The following LDLRAD1 variants were observed in gnomAD, a reference collection of about 807,000 sequenced individuals.
The protein encoded by LDLRAD1 is low-density lipoprotein receptor class A domain-containing protein 1.
LDLRAD1 carries 17 observed loss-of-function variants against 24.8 expected under a neutral mutation model. That is an observed-to-expected ratio of 0.69 (90% CI 0.47 to 1.03). The LOEUF is 1.03. LDLRAD1 is among the 50% of genes least tolerant of loss of function. The probability of loss-of-function intolerance (pLI) is 0.00; values close to 1 mark genes in which losing one functional copy is unlikely to be tolerated. For synonymous variants in LDLRAD1, 103 were observed against 108.2 expected, an observed-to-expected ratio of 0.95 and a Z score of 0.30; for missense variants, 277 against 271.0, an observed-to-expected ratio of 1.02 and a Z score of -0.16.
intron 4 of LDLRAD1, among the ~76,000 whole-genome samples, chr1:54,011,257 T>A (rs1656037592): frequency 6.6e-6 from 1 of 152,130 alleles, no homozygotes; most frequent in South Asian, 2.1e-4. Flanking sequence ...AAGTGTGGTC[T>A]ATCGGGGCAG....
In LDLRAD1 at chr1:54,009,196, C is replaced by T. The variant is rs909232463; in HGVS notation, c.470-66G>A. On this transcript the variant is annotated intron_variant, in intron 5 of 5. Coordinates refer to ENST00000371360, the MANE Select transcript of LDLRAD1 (RefSeq NM_001010978.4). Reference sequence around the variant, plus strand: ...CTGGAACGCTCTGTGCACCAGGGCACTCCCTAGTTCTGAAACCTGCCGTAG... The same window carrying T: ...CTGGAACGCTCTGTGCACCAGGGCATTCCCTAGTTCTGAAACCTGCCGTAG... 1.9e-5 allele frequency: 29 copies of T among 1,505,538 alleles called. No individual in the cohort carries two copies. In the South Asian group the frequency reaches 3.1e-4, roughly 16 times the overall value. The allele number at this position is 1,505,538 out of a possible 1,614,324, so 93.3% of individuals were successfully genotyped here.
intron 2 of LDLRAD1, among the ~76,000 whole-genome samples, chr1:54,015,652 T>C (rs7532836): frequency 6.8e-6 from 1 of 146,930 alleles, no homozygotes; most frequent in African/African-American, 2.5e-5. Flanking sequence ...TTTGTTTTTT[T>C]TGTTTTTTTT....
In LDLRAD1 at chr1:54,009,302, G is replaced by A. The variant is rs369967551; in HGVS notation, c.470-172C>T. On this transcript the variant is annotated intron_variant, in intron 5 of 5. Coordinates refer to ENST00000371360, the MANE Select transcript of LDLRAD1 (RefSeq NM_001010978.4). ...CGGCAGAGAGAATCTAGACTCCACA[G>A]CTCACAGGCTATGTGACCTCCCTCA... Among the ~76,000 whole-genome samples, 3 of 152,260 alleles carry A rather than the reference G, an allele frequency of 2.0e-5. No individual in the cohort carries two copies. The East Asian group carries it at 5.8e-4, about 29-fold the overall frequency.
chr1:54,016,349 C>T (rs927192961), intron 2 of LDLRAD1, among the ~76,000 whole-genome samples: 1 of 152,136 alleles, frequency 6.6e-6, no homozygotes, highest in Non-Finnish European at 1.5e-5. Flanking sequence ...AGGGAGGCAG[C>T]GTGACTCTGG....
rs1194219327 is a variant in LDLRAD1, at chr1:54,008,816, G to A, written c.*166C>T. 10 of 651,172 alleles carry A rather than the reference G, an allele frequency of 1.5e-5. No homozygotes were observed. In the East Asian group the frequency reaches 2.2e-4, roughly 14 times the overall value. 40.3% of individuals were successfully genotyped at this position (651,172 alleles called of 1,614,324 possible). On this transcript the variant is annotated 3_prime_UTR_variant, in exon 6 of 6. Transcript: ENST00000371360. ...CCTGGTCATTGGAAGCATTCAAGCA[G>A]AGGCTGAACAACTTGAAAGGAGGAG...
chr1:54,014,191 G>T (rs1005693396), intron 3 of LDLRAD1, 45 bp downstream of exon 3: 2 of 1,558,224 alleles, frequency 1.3e-6, no homozygotes, highest in African/African-American at 1.4e-5. Flanking sequence ...GCCCTCCCAT[G>T]CCCTCCCCGC....
At position 54,012,158 on chromosome 1, in the gene LDLRAD1, C is replaced by T. The variant is rs1181167816; in HGVS notation, c.325G>A (p.Asp109Asn). The T allele has an allele frequency of 1.2e-6, 2 of 1,614,020 alleles. No individual in the cohort carries two copies. Among genetic ancestry groups the T allele is most frequent in the African/African-American group, 2.7e-5 (2 of 75,060 alleles). Reference sequence around the variant, plus strand: ...GGGTACTCACGGCACAAGCTCTCATCCTCGTCCTCGCCGTGGGTACAGGTG... The same window carrying T: ...GGGTACTCACGGCACAAGCTCTCATTCTCGTCCTCGCCGTGGGTACAGGTG... ...VRTCTHGEDEDESLCRDVPQS... is the reference protein window; with the variant it reads ...VRTCTHGEDENESLCRDVPQS... Residue 109 changes from aspartate to asparagine, a missense_variant, in exon 4 of 6, where the codon GAT (aspartate) becomes AAT (asparagine). Transcript: ENST00000371360.
chr1:54,009,235 C>A, intron 5 of LDLRAD1, 105 bp from the exon 6 acceptor site: 1 of 1,061,620 alleles, frequency 9.4e-7, no homozygotes, highest in Non-Finnish European at 1.4e-6. Flanking sequence ...CCCATGGCCC[C>A]AACCCATCTG....
intron 4 of LDLRAD1, among the ~76,000 whole-genome samples, chr1:54,010,815 C>A (rs1656020183): frequency 2.0e-5 from 3 of 152,224 alleles, no homozygotes; most frequent in Admixed American, 1.3e-4. Flanking sequence ...TGGAGTCTTA[C>A]AGTTGGGCCC....
intron 3 of LDLRAD1, 100 bp from the exon 4 acceptor site, chr1:54,012,380 G>T: frequency 7.5e-7 from 1 of 1,324,820 alleles, no homozygotes; most frequent in South Asian, 1.2e-5. Flanking sequence ...GAGGGGCTGG[G>T]GCAGTGGGGA....
chr1:54,015,515 C>G (rs114290567), intron 2 of LDLRAD1, among the ~76,000 whole-genome samples: 1 of 152,094 alleles, frequency 6.6e-6, no homozygotes, highest in Non-Finnish European at 1.5e-5. Flanking sequence ...CATGGACATG[C>G]CTGAAGGGGT....
Position 54,008,800 on chromosome 1 carries a change from TG to T in LDLRAD1, c.*181del. 1 of 584,014 alleles carries T rather than the reference TG, an allele frequency of 1.7e-6. No homozygotes were observed. The allele number at this position is 584,014 out of a possible 1,614,324, so 36.2% of individuals were successfully genotyped here. A position where few individuals can be genotyped will look rare whatever the true frequency, so the allele number is the denominator to read the frequency against. ...AACATGGTAATGAGCTCCTGGTCATTGGAAGCATTCAAGCAGAGGCTGAACA... is the reference window on the plus strand; with the variant it reads ...AACATGGTAATGAGCTCCTGGTCATTGAAGCATTCAAGCAGAGGCTGAACA... On this transcript the variant is annotated 3_prime_UTR_variant, in exon 6 of 6. Coordinates refer to ENST00000371360, the MANE Select transcript of LDLRAD1 (RefSeq NM_001010978.4).
In LDLRAD1 at chr1:54,018,076, T is replaced by G. The variant is rs748332267; in HGVS notation, c.21+16A>C. 3 of 1,609,574 alleles carry G rather than the reference T, an allele frequency of 1.9e-6. No individual in the cohort carries two copies. Among genetic ancestry groups the G allele is most frequent in the Non-Finnish European group, 1.7e-6 (2 of 1,175,972 alleles). On this transcript the variant is annotated intron_variant, in intron 1 of 5. Coordinates refer to ENST00000371360, the MANE Select transcript of LDLRAD1 (RefSeq NM_001010978.4). ...CTCTTACTTGGAGACAACTCTCACC[T>G]GGGGACAGCTCTCACCTGGGGGAAG...
At chr1:54,014,091 C>G (rs1262887607) in intron 3 of LDLRAD1, 145 bp downstream of exon 3, 1 of 840,042 alleles carries the variant, frequency 1.2e-6, no homozygotes, top group Non-Finnish European at 1.9e-6. Flanking sequence ...GTGCAGGTGT[C>G]TGTGTGTGTC....
rs768512872 is a variant in LDLRAD1 at position 54,009,082 on chromosome 1, G to T, written c.518C>A (p.Thr173Asn). The change falls in exon 6 of 6, where the codon ACC (threonine) becomes AAC (asparagine). Residue 173 changes from threonine to asparagine, a missense_variant. Physicochemically the swap from Thr to Asn is moderately conservative, Grantham distance 65 (BLOSUM62 0). Coordinates refer to ENST00000371360, the MANE Select transcript of LDLRAD1 (RefSeq NM_001010978.4). ...CGPGWWRCPSTFFKYCDCIPR... is the reference protein window; with the variant it reads ...CGPGWWRCPSNFFKYCDCIPR... ...TATACAGTCGCAGTACTTGAAGAAGGTTGAAGGACAGCGCCACCACCCAGG... is the reference window on the plus strand; with the variant it reads ...TATACAGTCGCAGTACTTGAAGAAGTTTGAAGGACAGCGCCACCACCCAGG... 6 of 1,613,920 alleles carry T rather than the reference G, an allele frequency of 3.7e-6. No individual in the cohort carries two copies. The highest frequency in any genetic ancestry group is 2.2e-5 in the East Asian group (1 of 44,884).
In LDLRAD1 at chr1:54,008,722, G is replaced by T; in HGVS notation, c.*260C>A. The T allele has an allele frequency of 2.6e-6, 1 of 386,252 alleles. No homozygotes were observed. The highest frequency in any genetic ancestry group is 4.8e-6 in the Non-Finnish European group (1 of 209,790). The allele number at this position is 386,252 out of a possible 1,614,324, so 23.9% of individuals were successfully genotyped here. ...GCACCGCCATGCCTGGCTAATTTTT[G>T]TATTTTTGGTAGAGACGGGGTTCCA... On this transcript the variant is annotated 3_prime_UTR_variant, in exon 6 of 6. Transcript: ENST00000371360.
chr1:54,009,457 C>G (rs1655958229), intron 5 of LDLRAD1, among the ~76,000 whole-genome samples: 2 of 152,188 alleles, frequency 1.3e-5, no homozygotes, highest in Non-Finnish European at 2.9e-5. Flanking sequence ...TCCAGCTATG[C>G]TCACCTGCCA....
rs1243736622 is a variant in LDLRAD1 at position 54,010,419 on chromosome 1, G to C, written c.341-9C>G. 3 of 1,613,616 alleles carry C rather than the reference G, an allele frequency of 1.9e-6. No individual in the cohort carries two copies. Among genetic ancestry groups the C allele is most frequent in the Non-Finnish European group, 2.5e-6 (3 of 1,179,954 alleles). On this transcript the variant is annotated splice_polypyrimidine_tract_variant and intron_variant, in intron 4 of 5. Coordinates refer to ENST00000371360, the MANE Select transcript of LDLRAD1 (RefSeq NM_001010978.4). ...GCTCTGGGGCACATCTCCTGTAGAG[G>C]TACAGAGGAGGCAGGAAGAAGTCCA...
At chr1:54,015,601 AC>A (rs1484949921) in intron 2 of LDLRAD1, among the ~76,000 whole-genome samples, 2 of 148,858 alleles carry the variant, frequency 1.3e-5, no homozygotes, top group African/African-American at 5.0e-5. Context: ...CATCCCTGTG[AC>A]CCCAGGGCCC....
Sources: gnomAD v4.1 joint callset for allele counts (sites outside exome capture counted in the v4.1 genomes callset) on GRCh38, gnomAD v4.1.1 for gene constraint, MANE v1.5 for transcripts, NCBI Gene and HGNC (gene_info 2026-07-23, HGNC 2026-07-21) for gene names.